Variants in ESF1 observed in about 807,000 individuals in gnomAD.
The protein encoded by ESF1 is ESF1 nucleolar pre-rRNA processing protein.
Under a neutral mutation model 92.0 loss-of-function variants are expected in ESF1, and 58 were observed. That is an observed-to-expected ratio of 0.63 (90% CI 0.51 to 0.78). The LOEUF (loss-of-function observed/expected upper bound fraction) is 0.78. Among genes scored for constraint, ESF1 ranks in the 30% least tolerant of loss-of-function variants. ESF1 has a pLI of 0.00. For missense variants in ESF1, 922 were observed against 989.1 expected (o/e 0.93, Z 0.91); for synonymous variants, 321 against 313.7 (o/e 1.02, Z -0.24).
At chr20:13,774,456 C>T (rs1047538066) in intron 4 of ESF1, among the ~76,000 whole-genome samples, 4 of 152,208 alleles carry the variant, frequency 2.6e-5, no homozygotes, top group African/African-American at 9.6e-5. Flanking sequence ...GAGACTCAAT[C>T]TCTAATAATG....
At chr20:13,766,358 A>C (rs1485768635) in intron 8 of ESF1, among the ~76,000 whole-genome samples, 1 of 152,232 alleles carries the variant, frequency 6.6e-6, no homozygotes, top group Non-Finnish European at 1.5e-5. Context: ...AAAGAAACAG[A>C]AAACTCTAAA....
chr20:13,771,507 G>C (rs746454186), intron 5 of ESF1, 24 bp from the exon 6 acceptor site: 3 of 1,591,176 alleles, frequency 1.9e-6, no homozygotes, highest in South Asian at 2.3e-5. Flanking sequence ...AACTTATTAA[G>C]CATACTTATA....
At position 13,722,189 on chromosome 20, in the gene ESF1, C is replaced by T. The variant is rs1352913395; in HGVS notation, c.2039-3205G>A. 8.6e-5 allele frequency among the ~76,000 whole-genome samples: 13 copies of T among 151,836 alleles called. No homozygotes were observed. The East Asian group carries it at 2.5e-3, about 29-fold the overall frequency. The stretch of plus-strand genomic sequence containing the variant: ...TAAACTATTTCAGATTTTATAACAA[C>T]CTGGTGAAGAGTCTTAAAAATAAAC... On this transcript the variant is annotated intron_variant, in intron 11 of 13. Transcript: ENST00000617257.
At chr20:13,744,075 TAACA>T (rs1410891570) in intron 9 of ESF1, among the ~76,000 whole-genome samples, 4 of 152,308 alleles carry the variant, frequency 2.6e-5, no homozygotes, top group Admixed American at 1.3e-4. Context: ...TTATTCATTA[TAACA>T]AACAAACAAA....
rs1437326147 is a variant in ESF1 at position 13,771,429 on chromosome 20, A to G, written c.1305T>C (p.Tyr435=). The change falls in exon 6 of 14, where the codon TAT becomes TAC. Residue 435 remains tyrosine (Y), a synonymous_variant. Transcript: ENST00000617257. Reference sequence around the variant, plus strand: ...CCGGAGAATCACAGTCTACTACTGCATAATAGTACTTCAGTCGTTTGAATT... The same window carrying G: ...CCGGAGAATCACAGTCTACTACTGCGTAATAGTACTTCAGTCGTTTGAATT... ...DYQFKRLKYY[Y]AVVDCDSPET... The G allele has an allele frequency of 1.2e-6, 2 of 1,612,442 alleles. No homozygotes were observed. The highest frequency in any genetic ancestry group is 1.7e-6 in the Non-Finnish European group (2 of 1,178,812).
chr20:13,763,300 T>G (rs1290965250), intron 8 of ESF1, among the ~76,000 whole-genome samples: 1 of 152,222 alleles, frequency 6.6e-6, no homozygotes, highest in Non-Finnish European at 1.5e-5. Context: ...AAACCTAATC[T>G]ATGTATGGTG....
At chr20:13,718,215 A>G (rs1409947719) in intron 12 of ESF1, among the ~76,000 whole-genome samples, 1 of 152,156 alleles carries the variant, frequency 6.6e-6, no homozygotes, top group Non-Finnish European at 1.5e-5. Flanking sequence ...TGTCACTGGC[A>G]CTTTTAGCTG....
At chr20:13,747,851 T>A (rs1207834462) in intron 9 of ESF1, among the ~76,000 whole-genome samples, 4 of 152,186 alleles carry the variant, frequency 2.6e-5, no homozygotes, top group Non-Finnish European at 5.9e-5. Flanking sequence ...AGTATACTTA[T>A]ACAAACCTAG....
rs1191104216 is a variant in ESF1 at position 13,756,447 on chromosome 20, C to G, written c.1828+3245G>C. Among the ~76,000 whole-genome samples the G allele has an allele frequency of 5.3e-5, 8 of 152,174 alleles. No individual in the cohort carries two copies. In the East Asian group the frequency reaches 1.3e-3, roughly 26 times the overall value. On this transcript the variant is annotated intron_variant, in intron 9 of 13. Transcript: ENST00000617257. ...TAATTCCGTGAAACTGACACTCTTA[C>G]TGATTGTTGAAGGTATTATAAGCTG...
intron 8 of ESF1, among the ~76,000 whole-genome samples, chr20:13,761,448 TC>T (rs1265230227): frequency 6.6e-6 from 1 of 151,342 alleles, no homozygotes; most frequent in Admixed American, 6.6e-5. Flanking sequence ...ATTTTATCCC[TC>T]TTTATGTCCT....
chr20:13,716,743 C>T (rs1258392983), intron 13 of ESF1, among the ~76,000 whole-genome samples: 6 of 146,152 alleles, frequency 4.1e-5, no homozygotes, highest in South Asian at 2.2e-4. Flanking sequence ...TGGACTCAAG[C>T]GATCCTCCCA....
At chr20:13,730,616 C>T (rs181255720) in intron 10 of ESF1, among the ~76,000 whole-genome samples, 7 of 151,362 alleles carry the variant, frequency 4.6e-5, no homozygotes, top group Non-Finnish European at 7.4e-5. Flanking sequence ...GATCTCCTGA[C>T]CTTGTGATCC....
intron 9 of ESF1, among the ~76,000 whole-genome samples, chr20:13,746,528 C>A (rs1331752437): frequency 2.0e-5 from 3 of 152,158 alleles, no homozygotes; most frequent in African/African-American, 7.2e-5. Flanking sequence ...TCACAATAAA[C>A]TGTTAATGCT....
chr20:13,775,217 T>A lies in ESF1; in HGVS notation c.1089A>T (p.Lys363Asn). 1 of 1,611,560 alleles carries A rather than the reference T, an allele frequency of 6.2e-7. No homozygotes were observed. The highest frequency in any genetic ancestry group is 8.5e-7 in the Non-Finnish European group (1 of 1,179,284). Residue 363 changes from lysine (K) to asparagine (N), a missense_variant, in exon 4 of 14, where the codon AAA becomes AAT. Coordinates refer to ENST00000617257, the MANE Select transcript of ESF1 (RefSeq NM_001276380.2). Reference protein sequence around the residue: ...CNMDWDRLKAKDLLALFNSFK... With the variant: ...CNMDWDRLKANDLLALFNSFK... The stretch of plus-strand genomic sequence containing the variant: ...ATGAATTGAACAGAGCCAGCAAATC[T>A]TTTGCCTTTAATCTATCCCAGTCCA...
In ESF1 at chr20:13,781,626, G is replaced by T. The variant is rs76559330; in HGVS notation, c.637+878C>A. Among the ~76,000 whole-genome samples the T allele has an allele frequency of 9.2e-4, 140 of 152,320 alleles. 1 individual carries two copies. The highest frequency in any genetic ancestry group is 3.2e-3 in the African/African-American group (134 of 41,570). On this transcript the variant is annotated intron_variant, in intron 2 of 13. Transcript: ENST00000617257. ...TCTGCTCAGGGGCAAAAAATCTGTT[G>T]CTTCAAAGGCGCCATCTCTTCACCA...
At chr20:13,731,531 CAAAAA>C (rs35867169) in intron 10 of ESF1, among the ~76,000 whole-genome samples, 2 of 71,528 alleles carry the variant, frequency 2.8e-5, no homozygotes, top group African/African-American at 5.4e-5. Flanking sequence ...GACTCGGTCT[CAAAAA>C]AAAAAAAAAA....
At chr20:13,764,343 C>T (rs370834964) in intron 8 of ESF1, among the ~76,000 whole-genome samples, 8 of 152,034 alleles carry the variant, frequency 5.3e-5, no homozygotes, top group Admixed American at 1.3e-4. Context: ...AATTACAACC[C>T]GGCAACCAGT....
intron 1 of ESF1, 99 bp downstream of exon 1, chr20:13,784,781 G>A (rs1980587311): frequency 2.1e-6 from 1 of 478,714 alleles, no homozygotes; most frequent in Non-Finnish European, 3.8e-6. Flanking sequence ...AGATCCGAAA[G>A]AGATCCTGTT....
chr20:13,728,141 T>A (rs6033809), intron 11 of ESF1, among the ~76,000 whole-genome samples: 1 of 151,976 alleles, frequency 6.6e-6, no homozygotes, highest in African/African-American at 2.4e-5. Flanking sequence ...CAGTAAACTA[T>A]TAACCACATT....
Sources: allele counts gnomAD v4.1 joint callset (sites outside exome capture counted in the v4.1 genomes callset), GRCh38; gene constraint gnomAD v4.1.1; transcripts MANE v1.5; gene names NCBI Gene and HGNC (gene_info 2026-07-23, HGNC 2026-07-21).